Variants in MAPK4 observed in about 807,000 individuals in gnomAD.
MAPK4 encodes Erk3-related.
MAPK4 carries 22 observed loss-of-function variants against 47.7 expected under a neutral mutation model. The observed-to-expected ratio is 0.46, with a 90% confidence interval of 0.33 to 0.66. The LOEUF (loss-of-function observed/expected upper bound fraction) is 0.66, where lower values mean the gene tolerates loss of function less well. MAPK4 is among the 30% of genes least tolerant of loss of function. MAPK4 has a pLI of 0.02. For missense variants in MAPK4, 736 were observed against 831.7 expected (o/e 0.88, Z 1.42); for synonymous variants, 390 against 365.7 (o/e 1.07, Z -0.76).
At chr18:50,675,725 C>T (rs1258068446) in intron 2 of MAPK4, among the ~76,000 whole-genome samples, 1 of 151,952 alleles carries the variant, frequency 6.6e-6, no homozygotes, top group Non-Finnish European at 1.5e-5. Flanking sequence ...CTCTTGACCT[C>T]GTGATCTGCC....
intron 3 of MAPK4, 121 bp from the exon 4 acceptor site, chr18:50,721,817 A>C (rs944080070): frequency 5.2e-5 from 46 of 891,382 alleles, no homozygotes; most frequent in Middle Eastern, 4.5e-4. Flanking sequence ...CCCCGGTCCC[A>C]GCCCAGTGCT....
intron 1 of MAPK4, among the ~76,000 whole-genome samples, chr18:50,643,808 G>A (rs1381617019): frequency 6.6e-6 from 1 of 152,118 alleles, no homozygotes; most frequent in African/African-American, 2.4e-5. Flanking sequence ...ATATCCATGG[G>A]GCTGACGGCA....
chr18:50,591,274 CAG>C (rs2042434605), intron 1 of MAPK4, among the ~76,000 whole-genome samples: 1 of 152,124 alleles, frequency 6.6e-6, no homozygotes, highest in Non-Finnish European at 1.5e-5. Context: ...AGAGATGTAA[CAG>C]AAGTTTAGGA....
intron 2 of MAPK4, among the ~76,000 whole-genome samples, chr18:50,708,714 C>G (rs1910192395): frequency 6.6e-6 from 1 of 152,104 alleles, no homozygotes; most frequent in African/African-American, 2.4e-5. Flanking sequence ...GCCCTGGCAG[C>G]CTTAGAAGTC....
At chr18:50,688,889 T>TAA (rs35330620) in intron 2 of MAPK4, among the ~76,000 whole-genome samples, 10,593 of 115,850 alleles carry the variant, frequency 0.091, 457 homozygotes, top group Admixed American at 0.11. Flanking sequence ...CCTATGGAAA[T>TAA]AAAAAAAAAA....
At chr18:50,587,239 T>A (rs1190203304) in intron 1 of MAPK4, among the ~76,000 whole-genome samples, 1 of 152,142 alleles carries the variant, frequency 6.6e-6, no homozygotes, top group Non-Finnish European at 1.5e-5. Context: ...AGGTCTTGAA[T>A]GGGATTCGTG....
chr18:50,694,468 T>C (rs1397872416), intron 2 of MAPK4, among the ~76,000 whole-genome samples: 2 of 152,214 alleles, frequency 1.3e-5, no homozygotes, highest in Non-Finnish European at 2.9e-5. Context: ...ATGTTTATTT[T>C]CTCTTGTATC....
intron 2 of MAPK4, chr18:50,704,540 G>A: frequency 2.5e-6 from 1 of 398,622 alleles, no homozygotes; most frequent in Non-Finnish European, 4.4e-6. Flanking sequence ...TCTACTGATT[G>A]CATCACAAGC....
At chr18:50,690,691 G>A (rs928621541) in intron 2 of MAPK4, among the ~76,000 whole-genome samples, 3 of 152,192 alleles carry the variant, frequency 2.0e-5, no homozygotes, top group Non-Finnish European at 4.4e-5. Context: ...AGGAAAGACG[G>A]GAAGTAAACC....
At chr18:50,603,070 G>A (rs1176033751) in intron 1 of MAPK4, among the ~76,000 whole-genome samples, 3 of 152,104 alleles carry the variant, frequency 2.0e-5, no homozygotes, top group African/African-American at 7.2e-5. Flanking sequence ...TAGTGGAGAG[G>A]GGCTGCATCA....
intron 1 of MAPK4, among the ~76,000 whole-genome samples, chr18:50,597,015 G>T (rs1319269369): frequency 2.0e-5 from 3 of 152,120 alleles, no homozygotes; most frequent in African/African-American, 7.2e-5. Flanking sequence ...ACAGATTTTG[G>T]CATCGGATCT....
chr18:50,660,793 G>A (rs569065518), intron 1 of MAPK4, among the ~76,000 whole-genome samples: 4 of 152,228 alleles, frequency 2.6e-5, no homozygotes, highest in Admixed American at 2.6e-4. Context: ...AAGCAAAAAA[G>A]CCAGGCAGCA....
At chr18:50,649,813 A>G (rs1012736229) in intron 1 of MAPK4, among the ~76,000 whole-genome samples, 1 of 152,156 alleles carries the variant, frequency 6.6e-6, no homozygotes, top group African/African-American at 2.4e-5. Context: ...CCCAGCACAT[A>G]AGGACCCCGG....
chr18:50,707,317 A>C (rs1176009168), intron 2 of MAPK4, among the ~76,000 whole-genome samples: 3 of 152,300 alleles, frequency 2.0e-5, no homozygotes, highest in African/African-American at 7.2e-5. Flanking sequence ...CTGTAATCCC[A>C]GCACTTTGGG....
rs3752085 is a variant in MAPK4 at position 50,663,901 on chromosome 18, T to A, written c.-58T>A. ...CGCGAGGGAGGCCGCTAGCCGAGAC[T>A]TGGCCTTTCCTGACTGCCCCTGTGT... On this transcript the variant is annotated 5_prime_UTR_variant, in exon 2 of 6. It adds an upstream start codon to the 5' untranslated region. Coordinates refer to ENST00000400384, the MANE Select transcript of MAPK4 (RefSeq NM_002747.4). 428 of 1,490,170 alleles carry A rather than the reference T, an allele frequency of 2.9e-4. 1 individual carries two copies. The highest frequency in any genetic ancestry group is 3.6e-4 in the Non-Finnish European group (396 of 1,093,402). The allele number at this position is 1,490,170 out of a possible 1,614,324, so 92.3% of individuals were successfully genotyped here.
At chr18:50,676,580 G>T (rs1908284534) in intron 2 of MAPK4, among the ~76,000 whole-genome samples, 2 of 152,164 alleles carry the variant, frequency 1.3e-5, no homozygotes, top group Admixed American at 6.5e-5. Context: ...CATTCAAGCT[G>T]CATGACCAGC....
chr18:50,697,093 T>C (rs561643180), intron 2 of MAPK4, among the ~76,000 whole-genome samples: 7 of 152,232 alleles, frequency 4.6e-5, no homozygotes, highest in African/African-American at 1.4e-4. Context: ...TCAGAAACCC[T>C]GGGGGTGAGG....
intron 1 of MAPK4, among the ~76,000 whole-genome samples, chr18:50,636,941 T>G (rs1568055931): frequency 6.6e-6 from 1 of 152,186 alleles, no homozygotes; most frequent in Non-Finnish European, 1.5e-5. Flanking sequence ...CCAGAATCAA[T>G]TTCCCAACTC....
intron 1 of MAPK4, among the ~76,000 whole-genome samples, chr18:50,585,420 T>C (rs1161300834): frequency 6.6e-6 from 1 of 152,150 alleles, no homozygotes; most frequent in Non-Finnish European, 1.5e-5. Flanking sequence ...GGCCTCTACC[T>C]CTCTCTTTCC....
Sources: gnomAD v4.1 joint callset for allele counts (sites outside exome capture counted in the v4.1 genomes callset) on GRCh38, gnomAD v4.1.1 for gene constraint, MANE v1.5 for transcripts, NCBI Gene and HGNC (gene_info 2026-07-23, HGNC 2026-07-21) for gene names.